TSEN2: variants seen among roughly 807,000 people sequenced by gnomAD.
TSEN2 encodes the protein tRNA-splicing endonuclease subunit Sen2.
TSEN2 carries 54 observed loss-of-function variants against 59.2 expected under a neutral mutation model. That is an observed-to-expected ratio of 0.91 (90% confidence interval 0.73 to 1.14). The LOEUF (loss-of-function observed/expected upper bound fraction) is 1.14, where lower values mean the gene tolerates loss of function less well. Among genes scored for constraint, TSEN2 ranks in the 50% most tolerant of loss-of-function variants. The pLI is 0.00. For synonymous variants in TSEN2, 195 were observed against 198.2 expected, an observed-to-expected ratio of 0.98 and a Z score of 0.14; for missense variants, 636 against 576.2, an observed-to-expected ratio of 1.10 and a Z score of -1.06.
At chr3:12,508,386 T>C (rs980716303) in intron 6 of TSEN2, among the ~76,000 whole-genome samples, 3 of 152,228 alleles carry the variant, frequency 2.0e-5, no homozygotes, top group African/African-American at 7.2e-5. Context: ...AGCACACCGT[T>C]AAACCTAGCT....
rs75288720 is a variant in TSEN2, at chr3:12,532,712, C to G, written c.1389C>G (p.Asp463Glu). The G allele has an allele frequency of 1.2e-6, 2 of 1,613,986 alleles. No homozygotes were observed. Among genetic ancestry groups the G allele is most frequent in the Middle Eastern group, 3.3e-4 (2 of 6,062 alleles). ...WVSSRERSDQ[D>E]DL ...CTTCACGAGAGAGGAGTGACCAAGACGATCTTTAACAATTCAACCTCAAAT... is the reference window on the plus strand; with the variant it reads ...CTTCACGAGAGAGGAGTGACCAAGAGGATCTTTAACAATTCAACCTCAAAT... The change falls in exon 12 of 12, where the codon GAC becomes GAG. Residue 463 changes from aspartate (D) to glutamate (E), a missense_variant. By Grantham distance (45) the Asp-to-Glu change is conservative. Coordinates refer to ENST00000284995, the MANE Select transcript of TSEN2 (RefSeq NM_025265.4).
At chr3:12,518,563 T>C (rs2056348129) in intron 7 of TSEN2, among the ~76,000 whole-genome samples, 1 of 152,236 alleles carries the variant, frequency 6.6e-6, no homozygotes, top group East Asian at 1.9e-4. Context: ...GAGCCTCAGA[T>C]GGGAGCCATG....
chr3:12,526,146 C>T lies in TSEN2; in HGVS notation c.1100-2742C>T, dbSNP rs563299409. Among the ~76,000 whole-genome samples the T allele has an allele frequency of 1.5e-4, 23 of 151,978 alleles. No homozygotes were observed. In the East Asian group the frequency reaches 4.1e-3, roughly 27 times the overall value. On this transcript the variant is annotated intron_variant, in intron 8 of 11. Transcript: ENST00000284995. Reference sequence around the variant, plus strand: ...TTGAGCCCAGGAGTTCAAGACCAGCCTGGGCAACATAGGTAGACCATGTCT... The same window carrying T: ...TTGAGCCCAGGAGTTCAAGACCAGCTTGGGCAACATAGGTAGACCATGTCT...
upstream of TSEN2, among the ~76,000 whole-genome samples, chr3:12,480,869 C>T (rs1228363501): frequency 6.6e-6 from 1 of 152,036 alleles, no homozygotes; most frequent in Non-Finnish European, 1.5e-5. Context: ...CTCCTGTATC[C>T]AGCATGACAG....
chr3:12,487,069 G>A (rs1001583988), intron 1 of TSEN2, among the ~76,000 whole-genome samples: 3 of 152,174 alleles, frequency 2.0e-5, no homozygotes, highest in African/African-American at 7.2e-5. Context: ...GGAGTTGCTG[G>A]ATCATGTCGT....
chr3:12,516,644 A>G lies in TSEN2; in HGVS notation c.943A>G (p.Ser315Gly). The stretch of plus-strand genomic sequence containing the variant: ...CTTGGTCTATGCTCTGGGATGTTTA[A>G]GTATTTACTATGAGAAGGTAAGATG... ...FFLVYALGCLSIYYEKEPLTI... is the reference protein window; with the variant it reads ...FFLVYALGCLGIYYEKEPLTI... The change falls in exon 7 of 12, where the codon AGT becomes GGT. Residue 315 changes from serine (S) to glycine (G), a missense_variant. Transcript: ENST00000284995. 1 of 1,614,002 alleles carries G rather than the reference A, an allele frequency of 6.2e-7. No homozygotes were observed. Among genetic ancestry groups the G allele is most frequent in the Non-Finnish European group, 8.5e-7 (1 of 1,179,984 alleles).
chr3:12,505,476 C>T (rs576170288), intron 6 of TSEN2: 1 of 463,012 alleles, frequency 2.2e-6, no homozygotes, highest in South Asian at 2.4e-5. Flanking sequence ...TTTCTGAGTA[C>T]TTCTTTTCTC....
chr3:12,532,653 TG>T lies in TSEN2; in HGVS notation c.1339-7del. The stretch of plus-strand genomic sequence containing the variant: ...TTTAAGAAATGGTCTTTTTTTTTAT[TG>T]GTTGTAGGAGGTGATTCTGAGTCGA... On this transcript the variant is annotated splice_region_variant and splice_polypyrimidine_tract_variant and intron_variant, in intron 11 of 11. Coordinates refer to ENST00000284995, the MANE Select transcript of TSEN2 (RefSeq NM_025265.4). 2.5e-6 allele frequency: 4 copies of T among 1,614,036 alleles called. No homozygotes were observed. The highest frequency in any genetic ancestry group is 3.4e-6 in the Non-Finnish European group (4 of 1,179,924).
rs68107346 is a variant in TSEN2 at position 12,516,446 on chromosome 3, ATGTGTGTG to A, written c.910-130_910-123del. 0.046 allele frequency among the ~76,000 whole-genome samples: 5,842 copies of A among 126,444 alleles called. 326 individuals are homozygous for A. Among genetic ancestry groups the A allele is most frequent in the African/African-American group, 0.15 (5,059 of 32,836 alleles). The allele number at this position is 126,444 out of a possible 152,430, so 83.0% of individuals were successfully genotyped here. Reference sequence around the variant, plus strand: ...TTTCAAAAACAAACAAACAAAATATATGTGTGTGTGTGTGTGTGTGTGTGTGTGTGTGT... The same window carrying A: ...TTTCAAAAACAAACAAACAAAATATATGTGTGTGTGTGTGTGTGTGTGTGT... On this transcript the variant is annotated intron_variant, in intron 6 of 11. Transcript: ENST00000284995.
intron 2 of TSEN2, 74 bp downstream of exon 2, chr3:12,490,063 C>G: frequency 5.2e-6 from 7 of 1,344,002 alleles, no homozygotes; most frequent in Non-Finnish European, 6.4e-6. Flanking sequence ...CTCCCCATCC[C>G]AGCCATACCC....
At chr3:12,524,157 T>C (rs2056893688) in intron 8 of TSEN2, among the ~76,000 whole-genome samples, 1 of 152,010 alleles carries the variant, frequency 6.6e-6, no homozygotes, top group Admixed American at 6.5e-5. Flanking sequence ...GGGCTCAAAC[T>C]CCTGGGCTCA....
intron 3 of TSEN2, among the ~76,000 whole-genome samples, chr3:12,493,654 G>T (rs1341738436): frequency 6.6e-6 from 1 of 152,188 alleles, no homozygotes; most frequent in Non-Finnish European, 1.5e-5. Context: ...TTGAACCCGA[G>T]AGGCAGAGGT....
intron 9 of TSEN2, among the ~76,000 whole-genome samples, chr3:12,529,334 G>A (rs1462586684): frequency 1.3e-5 from 2 of 152,140 alleles, no homozygotes; most frequent in African/African-American, 4.8e-5. Context: ...GGGCATGGTG[G>A]CAGGCGCCTG....
intron 8 of TSEN2, among the ~76,000 whole-genome samples, chr3:12,524,254 A>G (rs2056900052): frequency 6.6e-6 from 1 of 152,190 alleles, no homozygotes; most frequent in African/African-American, 2.4e-5. Flanking sequence ...TCTTGTTACA[A>G]TCACATTTGA....
At chr3:12,522,082 A>G (rs2056692245) in intron 8 of TSEN2, among the ~76,000 whole-genome samples, 1 of 152,192 alleles carries the variant, frequency 6.6e-6, no homozygotes, top group Admixed American at 6.5e-5. Flanking sequence ...CATAACTTTC[A>G]TTATAGTGTA....
At chr3:12,515,229 G>A (rs1313477689) in intron 6 of TSEN2, among the ~76,000 whole-genome samples, 3 of 152,164 alleles carry the variant, frequency 2.0e-5, no homozygotes, top group Admixed American at 2.0e-4. Flanking sequence ...TACTTGTGCT[G>A]TCTTTTGTTC....
intron 4 of TSEN2, among the ~76,000 whole-genome samples, chr3:12,499,906 C>G (rs2054126354): frequency 6.6e-6 from 1 of 152,220 alleles, no homozygotes; most frequent in Admixed American, 6.5e-5. Context: ...GCTAACCACT[C>G]TAAACCACTC....
intron 9 of TSEN2, 84 bp from the exon 10 acceptor site, chr3:12,529,678 T>C: frequency 2.4e-6 from 3 of 1,254,978 alleles, no homozygotes; most frequent in Non-Finnish European, 3.4e-6. Context: ...ATTTTCTGTA[T>C]ATTTGTTCTT....
chr3:12,515,617 T>C (rs746289684), intron 6 of TSEN2, among the ~76,000 whole-genome samples: 2 of 152,194 alleles, frequency 1.3e-5, no homozygotes, highest in South Asian at 2.1e-4. Flanking sequence ...AACACATGGC[T>C]CTTTGGGTGG....
Sources: gnomAD v4.1 joint callset for allele counts (sites outside exome capture counted in the v4.1 genomes callset) on GRCh38, gnomAD v4.1.1 for gene constraint, MANE v1.5 for transcripts, NCBI Gene and HGNC (gene_info 2026-07-23, HGNC 2026-07-21) for gene names.